Variants in STARD3 observed in about 807,000 individuals in gnomAD.
STARD3 encodes the protein StAR related lipid transfer domain containing 3.
STARD3 carries 39 observed loss-of-function variants against 62.0 expected under a neutral mutation model. That is an observed-to-expected ratio of 0.63 (90% CI 0.49 to 0.82). STARD3 has a LOEUF of 0.82. STARD3 is among the 40% of genes least tolerant of loss of function. The pLI, the probability that STARD3 is intolerant of heterozygous loss-of-function variation, is 0.00. For synonymous variants in STARD3, 229 were observed against 242.4 expected, an observed-to-expected ratio of 0.94 and a Z score of 0.51; for missense variants, 543 against 584.5, an observed-to-expected ratio of 0.93 and a Z score of 0.73.
chr17:39,650,180 A>G (rs2057064143), intron 1 of STARD3, among the ~76,000 whole-genome samples: 1 of 152,214 alleles, frequency 6.6e-6, no homozygotes, highest in Non-Finnish European at 1.5e-5. Context: ...TGATCAGTCA[A>G]GGTGAGGTCA....
chr17:39,637,855 C>T (rs2056947138), intron 1 of STARD3, among the ~76,000 whole-genome samples: 1 of 152,122 alleles, frequency 6.6e-6, no homozygotes, highest in South Asian at 2.1e-4. Context: ...GTCGCCCAAC[C>T]CCTCGCTCTG....
intron 1 of STARD3, among the ~76,000 whole-genome samples, chr17:39,645,284 A>C (rs982267649): frequency 6.6e-6 from 1 of 152,174 alleles, no homozygotes; most frequent in African/African-American, 2.4e-5. Flanking sequence ...GCAGCTGGAT[A>C]ACCTGGCCTT....
At chr17:39,659,796 C>T in intron 9 of STARD3, 1 of 472,888 alleles carries the variant, frequency 2.1e-6, no homozygotes, top group Non-Finnish European at 3.8e-6. Flanking sequence ...CCCCTTGGCT[C>T]CAGGCTTTGA....
rs2057167589 is a variant in STARD3, at chr17:39,659,256, G to A, written c.702+150G>A. On this transcript the variant is annotated intron_variant, in intron 8 of 14. Transcript: ENST00000336308. ...CGAGTGTCTCCCCCACCACCAGTCC[G>A]GCCCCCCTGGTCTGCCTCATGCCTG... The A allele has an allele frequency of 7.1e-6, 8 of 1,133,788 alleles. No individual in the cohort carries two copies. The East Asian group carries it at 7.4e-5, about 10-fold the overall frequency. 70.2% of individuals were successfully genotyped at this position (1,133,788 alleles called of 1,614,324 possible).
chr17:39,643,610 A>G (rs1256972030), intron 1 of STARD3, among the ~76,000 whole-genome samples: 1 of 152,166 alleles, frequency 6.6e-6, no homozygotes, highest in Non-Finnish European at 1.5e-5. Flanking sequence ...AGCCAGCAGC[A>G]GGACATAGAC....
chr17:39,640,603 A>G (rs1037403673), intron 1 of STARD3, among the ~76,000 whole-genome samples: 1 of 151,534 alleles, frequency 6.6e-6, no homozygotes, highest in Non-Finnish European at 1.5e-5. Flanking sequence ...TTCCAGACTA[A>G]CCTTGGGAAC....
intron 8 of STARD3, 111 bp from the exon 9 acceptor site, chr17:39,659,350 G>C: frequency 8.7e-7 from 1 of 1,143,318 alleles, no homozygotes; most frequent in Non-Finnish European, 1.3e-6. Context: ...ACATGTGGCT[G>C]GGCCAGGCCC....
Position 39,660,860 on chromosome 17 carries a change from A to G in STARD3, c.1005A>G (p.Ala335=), listed in dbSNP as rs750776471. ...DNTLISYDVS[A]GAAGGVVSPR... ...CCCTCATCTCCTATGACGTGTCTGCAGGGGCTGCGGGCGGCGTGGTCTCCC... is the reference window on the plus strand; with the variant it reads ...CCCTCATCTCCTATGACGTGTCTGCGGGGGCTGCGGGCGGCGTGGTCTCCC... Residue 335 remains alanine, a synonymous_variant, in exon 12 of 15, where the codon GCA becomes GCG. Coordinates refer to ENST00000336308, the MANE Select transcript of STARD3 (RefSeq NM_006804.4). The surrounding 1 kb of genome is among the most constrained non-coding windows in gnomAD (Gnocchi z 4.8). 6.3e-7 allele frequency: 1 copy of G among 1,599,988 alleles called. No individual in the cohort carries two copies. Among genetic ancestry groups the G allele is most frequent in the African/African-American group, 1.3e-5 (1 of 74,706 alleles).
rs1251317476 is a variant in STARD3, at chr17:39,653,700, G to A, written c.169G>A (p.Val57Ile). ...TGTCCGCCGCACCTTCTGTCTCTTC[G>A]TCACCTTCGACCTGCTCTTCATCTC... Reference protein sequence around the residue: ...SDVRRTFCLFVTFDLLFISLL... With the variant: ...SDVRRTFCLFITFDLLFISLL... The change falls in exon 2 of 15, where the codon GTC (valine) becomes ATC (isoleucine). Residue 57 changes from valine to isoleucine, a missense_variant. By Grantham distance (29) the Val-to-Ile change is conservative (BLOSUM62 3). Coordinates refer to ENST00000336308, the MANE Select transcript of STARD3 (RefSeq NM_006804.4). The A allele has an allele frequency of 9.3e-6, 15 of 1,614,028 alleles. No homozygotes were observed. The highest frequency in any genetic ancestry group is 4.4e-5 in the South Asian group (4 of 91,090).
At position 39,661,055 on chromosome 17, in the gene STARD3, G is replaced by C; in HGVS notation, c.1109G>C (p.Ser370Thr). ...TCATCAGGGATCGCCACCTCACACAGTGCCAAGCCCCCGACGCACAAATAT... is the reference window on the plus strand; with the variant it reads ...TCATCAGGGATCGCCACCTCACACACTGCCAAGCCCCCGACGCACAAATAT... ...YLSSGIATSH[S>T]AKPPTHKYVR... The change falls in exon 13 of 15, where the codon AGT becomes ACT. Residue 370 changes from serine (S) to threonine (T), a missense_variant. Transcript: ENST00000336308. 6.2e-7 allele frequency: 1 copy of C among 1,613,708 alleles called. No individual in the cohort carries two copies. Among genetic ancestry groups the C allele is most frequent in the Non-Finnish European group, 8.5e-7 (1 of 1,180,026 alleles).
At position 39,660,925 on chromosome 17, in the gene STARD3, T is replaced by TC; in HGVS notation, c.1034+37dup. 1.2e-6 allele frequency: 2 copies of TC among 1,607,830 alleles called. No homozygotes were observed. Among genetic ancestry groups the TC allele is most frequent in the Non-Finnish European group, 8.5e-7 (1 of 1,175,372 alleles). ...GCCGGGCCCCCTCCTTTCAGCCAGG[T>TC]CTTCTGCACTTTGGCCTTGGGTCAT... On this transcript the variant is annotated intron_variant, in intron 12 of 14. Coordinates refer to ENST00000336308, the MANE Select transcript of STARD3 (RefSeq NM_006804.4). The surrounding 1 kb of genome is among the most constrained non-coding windows in gnomAD (Gnocchi z 4.8).
intron 1 of STARD3, among the ~76,000 whole-genome samples, chr17:39,646,591 C>G (rs2057027996): frequency 6.6e-6 from 1 of 152,282 alleles, no homozygotes; most frequent in South Asian, 2.1e-4. Context: ...GAAACTGAGT[C>G]TCAGAAGGGT....
Position 39,658,752 on chromosome 17 carries a change from G to A in STARD3, c.578G>A (p.Arg193His), listed in dbSNP as rs775353741. ...CTTGCCGCCCAGGTTGCTGTTGCCC[G>A]TGGACCCCTGCTGTTCTCCGGTGCT... is the stretch of plus-strand genomic sequence containing the variant. ...WYLAAQVAVA[R>H]GPLLFSGALS... The change falls in exon 7 of 15, where the codon CGT (arginine) becomes CAT (histidine). Residue 193 changes from arginine (R) to histidine (H), a missense_variant. Arg to His is a conservative substitution (Grantham distance 29). Transcript: ENST00000336308. 34 of 1,613,968 alleles carry A rather than the reference G, an allele frequency of 2.1e-5. No individual in the cohort carries two copies. The highest frequency in any genetic ancestry group is 1.0e-4 in the Admixed American group (6 of 60,014).
intron 13 of STARD3, 126 bp downstream of exon 13, chr17:39,661,211 G>A (rs1027936459): frequency 2.6e-6 from 2 of 772,800 alleles, no homozygotes; most frequent in East Asian, 2.7e-5. Flanking sequence ...TCCCTGTCCC[G>A]CTGGGCTCTG....
intron 2 of STARD3, 74 bp from the exon 3 acceptor site, chr17:39,656,934 C>T: frequency 3.4e-6 from 5 of 1,472,344 alleles, no homozygotes; most frequent in Non-Finnish European, 3.8e-6. Context: ...TACCTCTTGC[C>T]CCTTCCGGGA....
In STARD3 at chr17:39,660,304, C is replaced by T; in HGVS notation, c.858+31C>T. 1 of 1,613,654 alleles carries T rather than the reference C, an allele frequency of 6.2e-7. No homozygotes were observed. Among genetic ancestry groups the T allele is most frequent in the Non-Finnish European group, 8.5e-7 (1 of 1,179,782 alleles). On this transcript the variant is annotated intron_variant, in intron 10 of 14. Coordinates refer to ENST00000336308, the MANE Select transcript of STARD3 (RefSeq NM_006804.4). The surrounding 1 kb of genome is among the most constrained non-coding windows in gnomAD (Gnocchi z 4.8). ...TGAGGGGAGCGGGTGTCCTGGAGCC[C>T]CAGACAGCACAGGAGGCTCCAGGAA...
At chr17:39,650,713 C>T (rs754423884) in intron 1 of STARD3, among the ~76,000 whole-genome samples, 2 of 152,194 alleles carry the variant, frequency 1.3e-5, no homozygotes, top group Non-Finnish European at 2.9e-5. Context: ...ACTTGGGAGG[C>T]TGAGGCAGGA....
At position 39,661,064 on chromosome 17, in the gene STARD3, C is replaced by T. The variant is rs1236855416; in HGVS notation, c.1118C>T (p.Pro373Leu). 44 of 1,613,538 alleles carry T rather than the reference C, an allele frequency of 2.7e-5. 1 individual carries two copies. The Admixed American group carries it at 7.0e-4, about 26-fold the overall frequency. ...SGIATSHSAK[P>L]PTHKYVRGEN... ...ATCGCCACCTCACACAGTGCCAAGC[C>T]CCCGACGCACAAATATGTCCGGTGA... is the stretch of plus-strand genomic sequence containing the variant. The change falls in exon 13 of 15, where the codon CCC (proline) becomes CTC (leucine). Residue 373 changes from proline (P) to leucine (L), a missense_variant. Transcript: ENST00000336308.
chr17:39,641,843 G>A (rs769591486), intron 1 of STARD3, among the ~76,000 whole-genome samples: 9 of 152,208 alleles, frequency 5.9e-5, no homozygotes, highest in Middle Eastern at 3.4e-3. Context: ...CCTGTTCCAG[G>A]GTGGACATTA....
Sources: gnomAD v4.1 joint callset for allele counts (sites outside exome capture counted in the v4.1 genomes callset) on GRCh38, gnomAD v4.1.1 for gene constraint, Gnocchi (gnomAD v3.1) non-coding constraint, MANE v1.5 for transcripts, NCBI Gene and HGNC (gene_info 2026-07-23, HGNC 2026-07-21) for gene names.